EXT2: variants seen among roughly 807,000 people sequenced by gnomAD.
The protein encoded by EXT2 is exostosin-2.
In EXT2, 53 loss-of-function variants were observed where a neutral mutation model predicts 81.6. That is an observed-to-expected ratio of 0.65 (90% CI 0.52 to 0.82). EXT2 has a LOEUF of 0.82. EXT2 is among the 40% of genes least tolerant of loss of function. The probability of loss-of-function intolerance (pLI) is 0.00; values close to 1 mark genes in which losing one functional copy is unlikely to be tolerated. For synonymous variants in EXT2, 320 were observed against 340.0 expected (o/e 0.94, Z 0.65); for missense variants, 774 against 910.2 (o/e 0.85, Z 1.93).
chr11:44,201,682 A>G (rs1258578254), intron 9 of EXT2, among the ~76,000 whole-genome samples: 1 of 152,188 alleles, frequency 6.6e-6, no homozygotes, highest in African/African-American at 2.4e-5. Flanking sequence ...ACTCAGAGAG[A>G]CAGAAAAGTA....
intron 8 of EXT2, among the ~76,000 whole-genome samples, chr11:44,185,598 A>G (rs926913116): frequency 9.8e-5 from 15 of 152,300 alleles, no homozygotes; most frequent in African/African-American, 3.4e-4. Context: ...AGAGAAATTA[A>G]TATTTAAGAA....
intron 10 of EXT2, among the ~76,000 whole-genome samples, chr11:44,227,937 A>G (rs575557042): frequency 2.0e-4 from 31 of 152,236 alleles, no homozygotes; most frequent in Non-Finnish European, 3.7e-4. Flanking sequence ...GAAGCCTATG[A>G]ATGCTTACTA....
intron 7 of EXT2, among the ~76,000 whole-genome samples, chr11:44,145,484 A>G (rs1379206370): frequency 6.6e-6 from 1 of 152,094 alleles, no homozygotes; most frequent in Non-Finnish European, 1.5e-5. Flanking sequence ...GTCTTGTTCT[A>G]TGGTCATGGG....
At chr11:44,139,659 A>G (rs1954618115) in intron 7 of EXT2, among the ~76,000 whole-genome samples, 1 of 151,918 alleles carries the variant, frequency 6.6e-6, no homozygotes, top group Non-Finnish European at 1.5e-5. Flanking sequence ...GAAAGGGGAG[A>G]CGAGCTTCAT....
chr11:44,095,996 C>T (rs1953888837), intron 1 of EXT2, 144 bp downstream of exon 1: 1 of 521,550 alleles, frequency 1.9e-6, no homozygotes, highest in South Asian at 1.9e-5. Flanking sequence ...TGCGAGAGGC[C>T]ACCCCCAGCC....
At chr11:44,139,266 G>GA (rs1260662360) in intron 7 of EXT2, among the ~76,000 whole-genome samples, 27 of 145,018 alleles carry the variant, frequency 1.9e-4, no homozygotes, top group East Asian at 1.8e-3. Context: ...CTTTCCAATG[G>GA]AAAAAAAAAT....
In EXT2 at chr11:44,236,302, C is replaced by A; in HGVS notation, c.1945C>A (p.Arg649=). The A allele has an allele frequency of 6.2e-7, 1 of 1,614,060 alleles. No homozygotes were observed. The highest frequency in any genetic ancestry group is 8.5e-7 in the Non-Finnish European group (1 of 1,179,982). Reference sequence around the variant, plus strand: ...TGTCCTCCTCTGGCAGGTAACCCCACGAAAGAAATTCAAGTGTCCTGAGTG... The same window carrying A: ...TGTCCTCCTCTGGCAGGTAACCCCAAGAAAGAAATTCAAGTGTCCTGAGTG... ...TGKAVIKVTP[R]KKFKCPECTA... is the part of the protein sequence containing the mutation. Residue 649 remains arginine, a synonymous_variant, in exon 13 of 14, where the codon CGA becomes AGA. Transcript: ENST00000533608.
Position 44,247,930 on chromosome 11 carries a change from T to G in EXT2, c.*3643T>G, listed in dbSNP as rs76082100. On this transcript the variant is annotated 3_prime_UTR_variant, in exon 14 of 14. Coordinates refer to ENST00000533608, the MANE Select transcript of EXT2 (RefSeq NM_207122.2). ...GAGGTTAAAATCCAAGAACCTTTGA[T>G]AGTTTTCAGCCAAGATAGTAATCAG... Among the ~76,000 whole-genome samples, 1 of 152,206 alleles carries G rather than the reference T, an allele frequency of 6.6e-6. No individual in the cohort carries two copies. The highest frequency in any genetic ancestry group is 2.4e-5 in the African/African-American group (1 of 41,446).
At chr11:44,152,228 C>T (rs2135084939) in intron 7 of EXT2, among the ~76,000 whole-genome samples, 1 of 152,076 alleles carries the variant, frequency 6.6e-6, no homozygotes, top group Middle Eastern at 3.4e-3. Context: ...TAATGAAGTC[C>T]AGCTTATCTA....
intron 4 of EXT2, chr11:44,116,330 T>C (rs570702365): frequency 1.2e-4 from 19 of 152,362 alleles, no homozygotes; most frequent in African/African-American, 4.1e-4. Context: ...CTTATTCATG[T>C]AATAGCATGG....
At position 44,244,402 on chromosome 11, in the gene EXT2, A is replaced by T. The variant is rs1956074247; in HGVS notation, c.*115A>T. ...AAGGGTGGAAGGTTGACCTACTTGG[A>T]TCTTGGCATGCACCCACCTAACCCA... is the stretch of plus-strand genomic sequence containing the variant. On this transcript the variant is annotated 3_prime_UTR_variant, in exon 14 of 14. Transcript: ENST00000533608. 1 of 1,163,342 alleles carries T rather than the reference A, an allele frequency of 8.6e-7. No individual in the cohort carries two copies. The highest frequency in any genetic ancestry group is 1.3e-6 in the Non-Finnish European group (1 of 784,200). The allele number at this position is 1,163,342 out of a possible 1,614,324, so 72.1% of individuals were successfully genotyped here.
chr11:44,162,247 C>CTAAG (rs1234797367), intron 7 of EXT2, among the ~76,000 whole-genome samples: 3 of 152,150 alleles, frequency 2.0e-5, no homozygotes, highest in African/African-American at 7.2e-5. Context: ...CAACTGTTCA[C>CTAAG]TAAGTCTAAA....
intron 7 of EXT2, among the ~76,000 whole-genome samples, chr11:44,163,435 G>T (rs758229585): frequency 6.6e-6 from 1 of 152,210 alleles, no homozygotes; most frequent in Non-Finnish European, 1.5e-5. Context: ...CCCTGCTCTT[G>T]TGCTGTCAAA....
chr11:44,230,029 G>A (rs1319122439), intron 10 of EXT2, among the ~76,000 whole-genome samples: 1 of 152,182 alleles, frequency 6.6e-6, no homozygotes, highest in Non-Finnish European at 1.5e-5. Flanking sequence ...TGAAAGTTTG[G>A]TAAAGAAAAG....
rs191237024 is a variant in EXT2 at position 44,123,096 on chromosome 11, T to C, written c.744-1693T>C. The stretch of plus-strand genomic sequence containing the variant: ...GGTTGCTCTTTTCTCTGGGTTTGTA[T>C]GACTAGTCTAGCTGGCTAGGCAGGT... On this transcript the variant is annotated intron_variant, in intron 4 of 13. Coordinates refer to ENST00000533608, the MANE Select transcript of EXT2 (RefSeq NM_207122.2). 8.8e-3 allele frequency among the ~76,000 whole-genome samples: 1,333 copies of C among 152,328 alleles called. 7 individuals carry two copies. Among genetic ancestry groups the C allele is most frequent in the Middle Eastern group, 0.017 (5 of 294 alleles).
At chr11:44,165,765 A>G (rs1954986188) in intron 7 of EXT2, among the ~76,000 whole-genome samples, 1 of 152,194 alleles carries the variant, frequency 6.6e-6, no homozygotes, top group African/African-American at 2.4e-5. Flanking sequence ...TATTCAGGAT[A>G]TATATGTGTT....
intron 4 of EXT2, among the ~76,000 whole-genome samples, chr11:44,119,132 A>ATGTATATG (rs1565201108): frequency 7.7e-5 from 2 of 25,990 alleles, no homozygotes; most frequent in African/African-American, 1.4e-4. Context: ...ATTTATATAT[A>ATGTATATG]TATATATATA....
intron 7 of EXT2, among the ~76,000 whole-genome samples, chr11:44,168,960 GC>G: frequency 6.6e-6 from 1 of 152,264 alleles, no homozygotes; most frequent in Non-Finnish European, 1.5e-5. Context: ...GGTGGCTCTT[GC>G]TTGTAATCCC....
At chr11:44,203,009 G>A (rs1955539216) in intron 9 of EXT2, among the ~76,000 whole-genome samples, 1 of 152,198 alleles carries the variant, frequency 6.6e-6, no homozygotes, top group Non-Finnish European at 1.5e-5. Flanking sequence ...AAAAGGGCAT[G>A]TTGTGCTGCT....
Sources: gnomAD v4.1 joint callset for allele counts (sites outside exome capture counted in the v4.1 genomes callset) on GRCh38, gnomAD v4.1.1 for gene constraint, MANE v1.5 for transcripts, NCBI Gene and HGNC (gene_info 2026-07-23, HGNC 2026-07-21) for gene names.